Variants in DNAJC1 observed in about 807,000 individuals in gnomAD.
The protein encoded by DNAJC1 is dnaJ homolog subfamily C member 1.
A neutral mutation model predicts 76.6 loss-of-function variants in DNAJC1; 58 were observed. The observed-to-expected ratio is 0.76, with a 90% CI of 0.61 to 0.94. The LOEUF is 0.94. Ranked by LOEUF, DNAJC1 falls within the 40% of genes least tolerant of loss-of-function variation. The pLI, the probability that DNAJC1 is intolerant of heterozygous loss-of-function variation, is 0.00. For missense variants in DNAJC1, 689 were observed against 677.3 expected, an observed-to-expected ratio of 1.02 and a Z score of -0.19; for synonymous variants, 258 against 267.9, an observed-to-expected ratio of 0.96 and a Z score of 0.36.
At chr10:21,931,961 T>A (rs1837232057) in intron 1 of DNAJC1, among the ~76,000 whole-genome samples, 1 of 152,174 alleles carries the variant, frequency 6.6e-6, no homozygotes, top group Non-Finnish European at 1.5e-5. Context: ...AACCATGAAT[T>A]ATTTTAACAG....
intron 7 of DNAJC1, among the ~76,000 whole-genome samples, chr10:21,894,373 C>A (rs1231252742): frequency 1.3e-5 from 2 of 152,136 alleles, no homozygotes; most frequent in African/African-American, 2.4e-5. Flanking sequence ...GAGTTCGAGA[C>A]CAGCCTGGCC....
intron 1 of DNAJC1, among the ~76,000 whole-genome samples, chr10:21,941,026 C>A (rs907562320): frequency 6.9e-6 from 1 of 144,782 alleles, no homozygotes; most frequent in South Asian, 2.2e-4. Flanking sequence ...CCAAGGCGGG[C>A]GGATCACAAG....
intron 8 of DNAJC1, among the ~76,000 whole-genome samples, chr10:21,807,615 T>C (rs923361682): frequency 8.5e-5 from 13 of 152,190 alleles, no homozygotes; most frequent in Admixed American, 3.3e-4. Context: ...AGCAGATAAA[T>C]TGGCATAAAT....
At chr10:21,910,928 GGAGAGAGAGAAAGAGACAAAGAA>G (rs1242924523) in intron 6 of DNAJC1, among the ~76,000 whole-genome samples, 1 of 144,232 alleles carries the variant, frequency 6.9e-6, no homozygotes, top group Non-Finnish European at 1.5e-5. Flanking sequence ...AGAGAGAGAT[GGAGAGAGAGAAAGAGACAAAGAA>G]GAGAGAGAGA....
chr10:21,838,300 A>G (rs902792682), intron 8 of DNAJC1, among the ~76,000 whole-genome samples: 12 of 152,310 alleles, frequency 7.9e-5, no homozygotes, highest in African/African-American at 2.9e-4. Context: ...CTGCCTTGGG[A>G]TGCTGTTAAT....
chr10:21,956,408 A>C (rs1436163146), intron 1 of DNAJC1, among the ~76,000 whole-genome samples: 1 of 152,102 alleles, frequency 6.6e-6, no homozygotes, highest in African/African-American at 2.4e-5. Context: ...GACAAAAATA[A>C]CTGTGTCTAA....
chr10:21,817,006 A>T (rs1835088511), intron 8 of DNAJC1, among the ~76,000 whole-genome samples: 1 of 149,784 alleles, frequency 6.7e-6, no homozygotes, highest in Non-Finnish European at 1.5e-5. Context: ...TACAAAAAAA[A>T]AAAATTAGCC....
chr10:21,976,665 G>T (rs1269298853), intron 1 of DNAJC1, among the ~76,000 whole-genome samples: 1 of 152,170 alleles, frequency 6.6e-6, no homozygotes, highest in Non-Finnish European at 1.5e-5. Flanking sequence ...ACAGAAGTCT[G>T]AAAAGGTTAC....
At chr10:21,813,088 C>T (rs1273898451) in intron 8 of DNAJC1, among the ~76,000 whole-genome samples, 1 of 76,336 alleles carries the variant, frequency 1.3e-5, no homozygotes, top group Non-Finnish European at 2.6e-5. Flanking sequence ...TACATATATA[C>T]ACACACACAT....
chr10:21,796,072 C>G (rs184928012), intron 9 of DNAJC1, among the ~76,000 whole-genome samples: 4 of 151,008 alleles, frequency 2.6e-5, no homozygotes, highest in Admixed American at 6.6e-5. Flanking sequence ...TGGGTTCAAG[C>G]GATTCTCCTG....
chr10:21,784,389 A>C (rs990826519), intron 9 of DNAJC1, among the ~76,000 whole-genome samples: 1 of 152,220 alleles, frequency 6.6e-6, no homozygotes, highest in Non-Finnish European at 1.5e-5. Flanking sequence ...ATCATTAAAA[A>C]GTCAGGAAAC....
chr10:21,859,852 C>G (rs1242420100), intron 8 of DNAJC1, among the ~76,000 whole-genome samples: 2 of 151,984 alleles, frequency 1.3e-5, no homozygotes, highest in African/African-American at 4.8e-5. Context: ...GGCACGATCT[C>G]AGCTCACTGC....
intron 8 of DNAJC1, among the ~76,000 whole-genome samples, chr10:21,816,091 C>T (rs1226504509): frequency 6.6e-6 from 1 of 151,608 alleles, no homozygotes; most frequent in Non-Finnish European, 1.5e-5. Context: ...TTCCAATACC[C>T]TATCCTAGAT....
At chr10:21,956,897 A>AT (rs772137685) in intron 1 of DNAJC1, among the ~76,000 whole-genome samples, 8,413 of 134,680 alleles carry the variant, frequency 0.062, 888 homozygotes, top group African/African-American at 0.21. Context: ...TTATTTCTAG[A>AT]TTTTTTTTTT....
chr10:21,763,910 T>C (rs1228397306), intron 10 of DNAJC1, among the ~76,000 whole-genome samples: 2 of 152,198 alleles, frequency 1.3e-5, no homozygotes, highest in Admixed American at 6.5e-5. Context: ...GTGCCCTATG[T>C]ACGTAACACA....
intron 1 of DNAJC1, among the ~76,000 whole-genome samples, chr10:21,934,514 A>C (rs554415454): frequency 6.6e-6 from 1 of 152,290 alleles, no homozygotes; most frequent in Admixed American, 6.5e-5. Context: ...ACCCAGAGCA[A>C]CTTCCACTCC....
intron 1 of DNAJC1, among the ~76,000 whole-genome samples, chr10:21,930,385 A>C (rs1436271623): frequency 1.3e-5 from 2 of 152,212 alleles, no homozygotes; most frequent in African/African-American, 4.8e-5. Flanking sequence ...TTGATAGCTG[A>C]CTGTCTAATT....
chr10:21,915,168 T>C (rs907888542), intron 6 of DNAJC1, among the ~76,000 whole-genome samples: 1 of 152,196 alleles, frequency 6.6e-6, no homozygotes, highest in African/African-American at 2.4e-5. Flanking sequence ...ATTACTTGCA[T>C]TTGTAATTTT....
chr10:21,772,167 A>T (rs1217361793), intron 9 of DNAJC1, among the ~76,000 whole-genome samples: 2 of 151,326 alleles, frequency 1.3e-5, no homozygotes, highest in East Asian at 1.9e-4. Flanking sequence ...TTTTTCATCC[A>T]TATTTATAAA....
Sources: allele counts gnomAD v4.1 joint callset (sites outside exome capture counted in the v4.1 genomes callset), GRCh38; gene constraint gnomAD v4.1.1; transcripts MANE v1.5; gene names NCBI Gene and HGNC (gene_info 2026-07-23, HGNC 2026-07-21).